The following AJAP1 variants were observed in gnomAD, a reference collection of about 807,000 sequenced individuals.
The protein encoded by AJAP1 is adherens junctions associated protein 1.
AJAP1 carries 5 observed loss-of-function variants against 35.0 expected under a neutral mutation model. The ratio of observed to expected loss-of-function variants is 0.14; its 90% CI spans 0.07 to 0.30. The LOEUF is 0.30. Among genes scored for constraint, AJAP1 ranks in the 10% least tolerant of loss-of-function variants. The pLI is 1.00. For synonymous variants in AJAP1, 284 were observed against 249.3 expected (o/e 1.14, Z -1.31); for missense variants, 586 against 571.0 (o/e 1.03, Z -0.27).
At chr1:4,770,592 C>A (rs543420545) in intron 3 of AJAP1, among the ~76,000 whole-genome samples, 1 of 152,320 alleles carries the variant, frequency 6.6e-6, no homozygotes, top group East Asian at 1.9e-4. Context: ...CCTGCAGCCA[C>A]TCCTCCAGCA....
chr1:4,676,680 C>T (rs1212680739), intron 1 of AJAP1, among the ~76,000 whole-genome samples: 1 of 152,140 alleles, frequency 6.6e-6, no homozygotes, highest in Non-Finnish European at 1.5e-5. Flanking sequence ...GTCATCTGGC[C>T]TTTGGGGACA....
rs78345664 is a variant in AJAP1 at position 4,718,898 on chromosome 1, C to A, written c.829+6199C>A. Among the ~76,000 whole-genome samples the A allele has an allele frequency of 1.2e-4, 19 of 152,226 alleles. 1 individual carries two copies. The East Asian group carries it at 3.7e-3, about 29-fold the overall frequency. ...GGAGTTTCCAGCAAGAAGAGGAAGG[C>A]CTTAATGAACACTCTCCTCTACCTG... On this transcript the variant is annotated intron_variant, in intron 2 of 5. Coordinates refer to ENST00000378191, the MANE Select transcript of AJAP1 (RefSeq NM_018836.4).
At chr1:4,736,902 A>C (rs574850187) in intron 2 of AJAP1, among the ~76,000 whole-genome samples, 4 of 152,108 alleles carry the variant, frequency 2.6e-5, no homozygotes, top group Non-Finnish European at 5.9e-5. Flanking sequence ...ATGGGTCTCC[A>C]GGGCTGACTA....
At chr1:4,694,225 A>G (rs1469845154) in intron 1 of AJAP1, among the ~76,000 whole-genome samples, 2 of 151,524 alleles carry the variant, frequency 1.3e-5, no homozygotes, top group Non-Finnish European at 1.5e-5. Flanking sequence ...CCGGGGGGGG[A>G]TGGCCCCTAA....
At chr1:4,735,921 T>C (rs905908319) in intron 2 of AJAP1, among the ~76,000 whole-genome samples, 2 of 152,192 alleles carry the variant, frequency 1.3e-5, no homozygotes, top group Non-Finnish European at 2.9e-5. Context: ...GCCTTTGCCA[T>C]TGCTGGTCAG....
At chr1:4,690,469 A>G (rs1016354116) in intron 1 of AJAP1, among the ~76,000 whole-genome samples, 1 of 152,170 alleles carries the variant, frequency 6.6e-6, no homozygotes, top group African/African-American at 2.4e-5. Flanking sequence ...AGCTGTCACC[A>G]GGGGCGCGTG....
chr1:4,712,283 C>A lies in AJAP1; in HGVS notation c.413C>A (p.Ser138Tyr), dbSNP rs773131113. The stretch of plus-strand genomic sequence containing the variant: ...CTCGCCTCTTCGTCCTCGTCCTCGT[C>A]CTCCGCGGTGGCCGGTGGGGCCCCG... ...PSLASSSSSS[S>Y]SAVAGGAPEQ... The change falls in exon 2 of 6, where the codon TCC (serine) becomes TAC (tyrosine). Residue 138 changes from serine to tyrosine, a missense_variant. Transcript: ENST00000378191. The A allele has an allele frequency of 3.3e-6, 5 of 1,509,706 alleles. No individual in the cohort carries two copies. The highest frequency in any genetic ancestry group is 1.4e-5 in the African/African-American group (1 of 71,744). The allele number at this position is 1,509,706 out of a possible 1,614,324, so 93.5% of individuals were successfully genotyped here. A position where few individuals can be genotyped will look rare whatever the true frequency, so the allele number is the denominator to read the frequency against.
chr1:4,671,556 A>G (rs1038516509), intron 1 of AJAP1, among the ~76,000 whole-genome samples: 20 of 152,126 alleles, frequency 1.3e-4, no homozygotes, highest in Admixed American at 8.5e-4. Flanking sequence ...GAGCACCACC[A>G]GGAGGAAATG....
chr1:4,758,051 C>G (rs1455182651), intron 2 of AJAP1, among the ~76,000 whole-genome samples: 1 of 152,116 alleles, frequency 6.6e-6, no homozygotes, highest in Non-Finnish European at 1.5e-5. Context: ...CTCCCTTTTG[C>G]TCTGCACTTG....
chr1:4,699,197 A>G (rs1265010285), intron 1 of AJAP1, among the ~76,000 whole-genome samples: 1 of 151,796 alleles, frequency 6.6e-6, no homozygotes, highest in Non-Finnish European at 1.5e-5. Flanking sequence ...GCCCAAACCC[A>G]CCTGACCCCA....
At position 4,656,611 on chromosome 1, in the gene AJAP1, C is replaced by T. The variant is rs1374000804; in HGVS notation, c.29+1157C>T. Among the ~76,000 whole-genome samples, 1 of 152,120 alleles carries T rather than the reference C, an allele frequency of 6.6e-6. No individual in the cohort carries two copies. The highest frequency in any genetic ancestry group is 1.5e-5 in the Non-Finnish European group (1 of 68,030). The stretch of plus-strand genomic sequence containing the variant: ...AGTGCGTGTCCTGATTTTGAGAAAT[C>T]GGAAGGGGACTGGGACGCCAAGTGT... On this transcript the variant is annotated intron_variant, in intron 1 of 5. Transcript: ENST00000378191. The surrounding 1 kb of genome is among the most constrained non-coding windows in gnomAD (Gnocchi z 5.7).
At chr1:4,769,519 G>C (rs986068229) in intron 2 of AJAP1, among the ~76,000 whole-genome samples, 1 of 152,210 alleles carries the variant, frequency 6.6e-6, no homozygotes, top group South Asian at 2.1e-4. Flanking sequence ...GCCAGGTAGA[G>C]GAGGCAGGTG....
Position 4,786,475 on chromosome 1 carries a change from A to G in AJAP1, c.*3990A>G, listed in dbSNP as rs1437091966. Reference sequence around the variant, plus strand: ...TTACCATCTTAATCCTTTCTTTCAAAAATACGTGACTCTTTCACAGCCATA... The same window carrying G: ...TTACCATCTTAATCCTTTCTTTCAAGAATACGTGACTCTTTCACAGCCATA... On this transcript the variant is annotated 3_prime_UTR_variant, in exon 6 of 6. Coordinates refer to ENST00000378191, the MANE Select transcript of AJAP1 (RefSeq NM_018836.4). 1 of 152,156 alleles carries G rather than the reference A, an allele frequency of 6.6e-6. No individual in the cohort carries two copies. Among genetic ancestry groups the G allele is most frequent in the African/African-American group, 2.4e-5 (1 of 41,442 alleles). The allele number at this position is 152,156 out of a possible 1,614,324, so 9.4% of individuals were successfully genotyped here.
intron 2 of AJAP1, among the ~76,000 whole-genome samples, chr1:4,756,316 A>G (rs1641431977): frequency 6.6e-6 from 1 of 152,154 alleles, no homozygotes; most frequent in Non-Finnish European, 1.5e-5. Context: ...CTATGTCCGC[A>G]CCGTGGCATC....
chr1:4,756,694 A>C (rs760720728), intron 2 of AJAP1, among the ~76,000 whole-genome samples: 12 of 152,220 alleles, frequency 7.9e-5, no homozygotes, highest in Non-Finnish European at 1.8e-4. Context: ...TGCAGATGCC[A>C]AATTTGTGAG....
At chr1:4,663,624 G>A (rs1318446397) in intron 1 of AJAP1, among the ~76,000 whole-genome samples, 1 of 152,282 alleles carries the variant, frequency 6.6e-6, no homozygotes, top group African/African-American at 2.4e-5. Flanking sequence ...TCTTGTGCTG[G>A]CCCCATGAGT....
chr1:4,760,688 G>T (rs185768795), intron 2 of AJAP1, among the ~76,000 whole-genome samples: 1 of 152,172 alleles, frequency 6.6e-6, no homozygotes, highest in Non-Finnish European at 1.5e-5. Flanking sequence ...GCTTCCTTCC[G>T]CCTGTAACCC....
In AJAP1 at chr1:4,784,785, C is replaced by T. The variant is rs1212310769; in HGVS notation, c.*2300C>T. On this transcript the variant is annotated 3_prime_UTR_variant, in exon 6 of 6. Transcript: ENST00000378191. ...TCCGCCACTGGCATTTGGCCGTCTC[C>T]AGGTTCCTGGCACTCACCTGCATGG... 1 of 152,266 alleles carries T rather than the reference C, an allele frequency of 6.6e-6. No individual in the cohort carries two copies. Among genetic ancestry groups the T allele is most frequent in the Non-Finnish European group, 1.5e-5 (1 of 68,054 alleles). The allele number at this position is 152,266 out of a possible 1,614,324, so 9.4% of individuals were successfully genotyped here. A position where few individuals can be genotyped will look rare whatever the true frequency, so the allele number is the denominator to read the frequency against.
At chr1:4,778,571 A>ATCTCTCTCTCTCTCTC (rs141390632) in intron 5 of AJAP1, among the ~76,000 whole-genome samples, 90 of 142,880 alleles carry the variant, frequency 6.3e-4, no homozygotes, top group African/African-American at 1.8e-3. Flanking sequence ...GATTGGCGCC[A>ATCTCTCTCTCTCTCTC]TCTCTCTCTC....
Sources: allele counts gnomAD v4.1 joint callset (sites outside exome capture counted in the v4.1 genomes callset), GRCh38; gene constraint gnomAD v4.1.1; non-coding constraint Gnocchi (gnomAD v3.1); transcripts MANE v1.5; gene names NCBI Gene and HGNC (gene_info 2026-07-23, HGNC 2026-07-21).